The following MROH9 variants were observed in gnomAD, a reference collection of about 807,000 sequenced individuals.
MROH9 encodes maestro heat like repeat family member 9.
In MROH9, 92 loss-of-function variants were observed where a neutral mutation model predicts 98.2. The ratio of observed to expected loss-of-function variants is 0.94; its 90% CI spans 0.79 to 1.11. The LOEUF is 1.11. MROH9 is among the 50% of genes most tolerant of loss of function. MROH9 has a pLI of 0.00. For synonymous variants in MROH9, 397 were observed against 368.9 expected (o/e 1.08, Z -0.87); for missense variants, 1,057 against 1,014.8 (o/e 1.04, Z -0.57).
rs199556721 is a variant in MROH9 at position 170,965,262 on chromosome 1, C to T, written c.480+7C>T. On this transcript the variant is annotated splice_region_variant and intron_variant, in intron 7 of 21. Coordinates refer to ENST00000367759, the MANE Select transcript of MROH9 (RefSeq NM_001163629.2). Reference sequence around the variant, plus strand: ...CACAAAAGTCAGAAAATACGTAAGTCACAGAATATAACAATGCCACCTGAT... The same window carrying T: ...CACAAAAGTCAGAAAATACGTAAGTTACAGAATATAACAATGCCACCTGAT... The T allele has an allele frequency of 2.0e-3, 3,088 of 1,568,942 alleles. 31 individuals carry two copies. The highest frequency in any genetic ancestry group is 0.014 in the South Asian group (1,264 of 89,810).
intron 15 of MROH9, chr1:170,998,605 T>C: frequency 1.5e-6 from 2 of 1,296,224 alleles, no homozygotes; most frequent in Non-Finnish European, 2.0e-6. Flanking sequence ...TTAATAAAGA[T>C]GGTAGTTAAC....
At chr1:171,057,007 GAGAA>G (rs1321422776) in intron 20 of MROH9, among the ~76,000 whole-genome samples, 3 of 152,206 alleles carry the variant, frequency 2.0e-5, no homozygotes, top group African/African-American at 7.2e-5. Flanking sequence ...TCACAAAGAT[GAGAA>G]AGAATCAATG....
intron 20 of MROH9, among the ~76,000 whole-genome samples, chr1:171,030,363 C>T (rs1428020265): frequency 6.6e-6 from 1 of 152,064 alleles, no homozygotes; most frequent in Non-Finnish European, 1.5e-5. Flanking sequence ...TGCTCTAGCT[C>T]TTTTAACTGT....
rs541685682 is a variant in MROH9 at position 171,062,335 on chromosome 1, G to A, written c.2344+141G>A. ...GTGGTAGTAGTAGTTGGATAATTAC[G>A]GAAGAATCAATGAAAGGACTGGGTT... On this transcript the variant is annotated intron_variant, in intron 21 of 21. Coordinates refer to ENST00000367759, the MANE Select transcript of MROH9 (RefSeq NM_001163629.2). The A allele has an allele frequency of 2.7e-4, 165 of 612,974 alleles. 1 individual carries two copies. The highest frequency in any genetic ancestry group is 2.1e-3 in the Middle Eastern group (7 of 3,294). 38.0% of individuals were successfully genotyped at this position (612,974 alleles called of 1,614,324 possible). A position where few individuals can be genotyped will look rare whatever the true frequency, so the allele number is the denominator to read the frequency against.
rs184564252 is a variant in MROH9 at position 171,013,613 on chromosome 1, C to T, written c.1597-504C>T. 2.9e-3 allele frequency among the ~76,000 whole-genome samples: 443 copies of T among 152,238 alleles called. 3 individuals are homozygous for T. The highest frequency in any genetic ancestry group is 9.5e-3 in the African/African-American group (396 of 41,528). ...CTAGTACTGACTAAAATTAGAAACTCTGTCTCATTAGAATAGTACATAGTA... is the reference window on the plus strand; with the variant it reads ...CTAGTACTGACTAAAATTAGAAACTTTGTCTCATTAGAATAGTACATAGTA... On this transcript the variant is annotated intron_variant, in intron 15 of 21. Transcript: ENST00000367759.
At chr1:171,042,290 T>C (rs1442166901) in intron 20 of MROH9, among the ~76,000 whole-genome samples, 1 of 152,062 alleles carries the variant, frequency 6.6e-6, no homozygotes, top group African/African-American at 2.4e-5. Flanking sequence ...ATCCTCAGAC[T>C]CACTCATGTT....
At chr1:170,945,423 A>T in intron 1 of MROH9, 97 bp from the exon 2 acceptor site, 1 of 745,570 alleles carries the variant, frequency 1.3e-6, no homozygotes, top group Non-Finnish European at 2.3e-6. Flanking sequence ...AACACAATCC[A>T]CATACTGTAT....
chr1:171,031,851 G>A (rs962036697), intron 20 of MROH9, among the ~76,000 whole-genome samples: 20 of 152,118 alleles, frequency 1.3e-4, no homozygotes, highest in African/African-American at 4.1e-4. Flanking sequence ...AAGTCCTCCC[G>A]GATAATATCC....
chr1:171,042,568 T>C (rs1653342395), intron 20 of MROH9, among the ~76,000 whole-genome samples: 1 of 152,152 alleles, frequency 6.6e-6, no homozygotes, highest in African/African-American at 2.4e-5. Context: ...CTCCAAACTC[T>C]TCTCCATAGC....
At chr1:171,000,366 G>A (rs1651746088) in intron 15 of MROH9, among the ~76,000 whole-genome samples, 1 of 151,928 alleles carries the variant, frequency 6.6e-6, no homozygotes, top group Non-Finnish European at 1.5e-5. Flanking sequence ...TATTATGTTG[G>A]CTGTGGGTTT....
intron 9 of MROH9, among the ~76,000 whole-genome samples, chr1:170,985,563 GA>G (rs1405012151): frequency 6.6e-6 from 1 of 152,142 alleles, no homozygotes; most frequent in East Asian, 1.9e-4. Context: ...GTTTCACTGG[GA>G]ATTGCTTCTT....
chr1:171,029,512 A>G (rs956205454), intron 20 of MROH9, among the ~76,000 whole-genome samples: 4 of 152,110 alleles, frequency 2.6e-5, no homozygotes, highest in Admixed American at 6.5e-5. Context: ...AGGGATGTTG[A>G]ATTTTATCAA....
chr1:170,997,983 G>T lies in MROH9; in HGVS notation c.1476-171G>T, dbSNP rs192577908. On this transcript the variant is annotated intron_variant, in intron 14 of 21. Coordinates refer to ENST00000367759, the MANE Select transcript of MROH9 (RefSeq NM_001163629.2). The stretch of plus-strand genomic sequence containing the variant: ...GATGTTGACAGGGATCCAGTTATAT[G>T]TAATTCTCCAGAGTATGTGTAGAAT... 6.1e-4 allele frequency among the ~76,000 whole-genome samples: 93 copies of T among 152,278 alleles called. 1 individual carries two copies. Among genetic ancestry groups the T allele is most frequent in the Admixed American group, 6.0e-3 (92 of 15,282 alleles).
chr1:170,983,513 A>T lies in MROH9; in HGVS notation c.708A>T (p.Gln236His), dbSNP rs1415388533. The T allele has an allele frequency of 6.2e-7, 1 of 1,610,692 alleles. No homozygotes were observed. Among genetic ancestry groups the T allele is most frequent in the Non-Finnish European group, 8.5e-7 (1 of 1,177,342 alleles). ...AATTTCTACCCAAGGAGTTTCAACA[A>T]GACGAAAGTAAAATAGCTCAGGTAA... ...DVEFLPKEFQ[Q>H]DESKIAQRVG... Residue 236 changes from glutamine to histidine, a missense_variant, in exon 9 of 22, where the codon CAA becomes CAT. Transcript: ENST00000367759.
intron 1 of MROH9, among the ~76,000 whole-genome samples, chr1:170,936,526 C>T (rs1260024426): frequency 6.6e-6 from 1 of 152,178 alleles, no homozygotes; most frequent in Non-Finnish European, 1.5e-5. Context: ...TCTGGAAATA[C>T]CCTCACAGAC....
At chr1:171,062,223 T>A in intron 21 of MROH9, 29 bp downstream of exon 21, 1 of 1,437,610 alleles carries the variant, frequency 7.0e-7, no homozygotes, top group Non-Finnish European at 9.6e-7. Flanking sequence ...ACAAAATCTT[T>A]ATGCATAAAT....
chr1:170,958,585 T>C (rs184544661), intron 4 of MROH9, 45 bp downstream of exon 4: 3 of 1,266,552 alleles, frequency 2.4e-6, no homozygotes, highest in African/African-American at 3.0e-5. Context: ...ATTGGATGCA[T>C]TTAAAATGTT....
intron 11 of MROH9, among the ~76,000 whole-genome samples, chr1:170,991,655 G>T (rs141410353): frequency 1.3e-5 from 2 of 152,254 alleles, no homozygotes; most frequent in African/African-American, 4.8e-5. Flanking sequence ...GTCACTCATT[G>T]TGTGACATTT....
At chr1:171,031,431 T>C (rs1365811958) in intron 20 of MROH9, among the ~76,000 whole-genome samples, 2 of 152,190 alleles carry the variant, frequency 1.3e-5, no homozygotes, top group African/African-American at 2.4e-5. Flanking sequence ...GGTGCTTTTT[T>C]TCCATGTTTA....
Sources: allele counts gnomAD v4.1 joint callset (sites outside exome capture counted in the v4.1 genomes callset), GRCh38; gene constraint gnomAD v4.1.1; transcripts MANE v1.5; gene names NCBI Gene and HGNC (gene_info 2026-07-23, HGNC 2026-07-21).